AKAP12: variants seen among roughly 807,000 people sequenced by gnomAD.
AKAP12 encodes A-kinase anchoring protein 12.
A neutral mutation model predicts 79.9 loss-of-function variants in AKAP12; 32 were observed. The observed-to-expected ratio is 0.40, with a 90% CI of 0.30 to 0.54. The LOEUF (loss-of-function observed/expected upper bound fraction) is 0.54, where lower values mean the gene tolerates loss of function less well. Among genes scored for constraint, AKAP12 ranks in the 20% least tolerant of loss-of-function variants. AKAP12 has a pLI of 0.48. For synonymous variants in AKAP12, 808 were observed against 857.0 expected, an observed-to-expected ratio of 0.94 and a Z score of 1.00; for missense variants, 2,074 against 2,177.0, an observed-to-expected ratio of 0.95 and a Z score of 0.94.
intron 2 of AKAP12, among the ~76,000 whole-genome samples, chr6:151,248,863 T>C (rs983548064): frequency 6.6e-6 from 1 of 151,996 alleles, no homozygotes; most frequent in African/African-American, 2.4e-5. Context: ...GGTGTGTACC[T>C]GTAATCCCAG....
Position 151,268,961 on chromosome 6 carries a change from T to G in AKAP12, c.162+28237T>G, listed in dbSNP as rs1042272298. The stretch of plus-strand genomic sequence containing the variant: ...GCTCGGCCTGTTTTTTTTTTTTTTT[T>G]TTTTTTTTTTTTTTTTTTAATCAAC... On this transcript the variant is annotated intron_variant, in intron 2 of 4. Transcript: ENST00000402676. Among the ~76,000 whole-genome samples, 774 of 126,976 alleles carry G rather than the reference T, an allele frequency of 6.1e-3. 8 individuals carry two copies. Among genetic ancestry groups the G allele is most frequent in the African/African-American group, 0.022 (702 of 31,824 alleles). The allele number at this position is 126,976 out of a possible 152,430, so 83.3% of individuals were successfully genotyped here.
intron 3 of AKAP12, among the ~76,000 whole-genome samples, chr6:151,319,170 G>A (rs1191276644): frequency 1.3e-5 from 2 of 151,850 alleles, no homozygotes; most frequent in African/African-American, 4.8e-5. Flanking sequence ...TAGTGTTTCT[G>A]TTGTATCATA....
At chr6:151,266,188 A>G (rs35807918) in intron 2 of AKAP12, among the ~76,000 whole-genome samples, 1,797 of 152,346 alleles carry the variant, frequency 0.012, 19 homozygotes, top group Middle Eastern at 0.027. Flanking sequence ...GAAGACGGAC[A>G]TCTCAAAGTG....
At chr6:151,316,264 C>T (rs1311917949) in intron 3 of AKAP12, among the ~76,000 whole-genome samples, 1 of 152,186 alleles carries the variant, frequency 6.6e-6, no homozygotes, top group African/African-American at 2.4e-5. Flanking sequence ...TTAACCAGTG[C>T]ATGCATTAGT....
intron 2 of AKAP12, among the ~76,000 whole-genome samples, chr6:151,276,509 T>C (rs1024596285): frequency 3.3e-5 from 5 of 152,238 alleles, no homozygotes; most frequent in Non-Finnish European, 7.3e-5. Context: ...TGAGAAAGGA[T>C]GGCTAATTAG....
intron 3 of AKAP12, chr6:151,323,997 A>T (rs1318413928): frequency 1.0e-6 from 1 of 985,240 alleles, no homozygotes; most frequent in African/African-American, 1.7e-5. Context: ...TTTATCCATG[A>T]TTTGCACAGC....
intron 3 of AKAP12, among the ~76,000 whole-genome samples, chr6:151,339,388 C>T (rs765892598): frequency 5.9e-5 from 9 of 152,220 alleles, no homozygotes; most frequent in East Asian, 1.9e-4. Context: ...ACCTATATGA[C>T]GTTGGTCAAG....
intron 3 of AKAP12, among the ~76,000 whole-genome samples, chr6:151,309,964 G>A (rs770717778): frequency 7.4e-5 from 10 of 134,790 alleles, no homozygotes; most frequent in Non-Finnish European, 1.3e-4. Context: ...TGCTTCTACC[G>A]AAAAGATGAA....
At chr6:151,342,694 ACTC>A (rs1318021544) in intron 3 of AKAP12, among the ~76,000 whole-genome samples, 1 of 152,190 alleles carries the variant, frequency 6.6e-6, no homozygotes, top group Non-Finnish European at 1.5e-5. Flanking sequence ...TATGTGTTCA[ACTC>A]ATAACTCACT....
chr6:151,354,668 A>G lies in AKAP12; in HGVS notation c.*12+916A>G, dbSNP rs186426148. ...ATTACAGGTGTGAGCCACCACGCCC[A>G]GCCCTATCTTTGTTTTGTTTTTTGA... On this transcript the variant is annotated intron_variant, in intron 4 of 4. Transcript: ENST00000402676. Among the ~76,000 whole-genome samples, 1,084 of 151,900 alleles carry G rather than the reference A, an allele frequency of 7.1e-3. 9 individuals are homozygous for G. The highest frequency in any genetic ancestry group is 0.024 in the African/African-American group (1,012 of 41,426).
intron 2 of AKAP12, among the ~76,000 whole-genome samples, chr6:151,241,251 C>T (rs1474381104): frequency 2.0e-5 from 3 of 152,252 alleles, no homozygotes; most frequent in Non-Finnish European, 4.4e-5. Context: ...GGGTTTGGTA[C>T]CCAGTCCTCC....
At chr6:151,270,681 G>A (rs1423210245) in intron 2 of AKAP12, among the ~76,000 whole-genome samples, 2 of 152,070 alleles carry the variant, frequency 1.3e-5, no homozygotes, top group African/African-American at 4.8e-5. Flanking sequence ...CTATATCCTT[G>A]GTAACACTTG....
intron 3 of AKAP12, among the ~76,000 whole-genome samples, chr6:151,321,556 A>G (rs1295365925): frequency 1.3e-5 from 2 of 151,970 alleles, no homozygotes; most frequent in African/African-American, 4.8e-5. Context: ...TTTCCATTAA[A>G]CAAGCTCAAT....
intron 2 of AKAP12, among the ~76,000 whole-genome samples, chr6:151,274,908 G>T (rs1279937950): frequency 6.6e-6 from 1 of 152,106 alleles, no homozygotes. Flanking sequence ...TTGGAGACCA[G>T]CCTCGGCAAC....
At chr6:151,265,231 A>G (rs1475248652) in intron 2 of AKAP12, among the ~76,000 whole-genome samples, 1 of 149,248 alleles carries the variant, frequency 6.7e-6, no homozygotes, top group Non-Finnish European at 1.5e-5. Flanking sequence ...TTTTTTTTGC[A>G]ATAGCTTTAC....
chr6:151,338,228 T>C lies in AKAP12; in HGVS notation c.320-10483T>C, dbSNP rs150218273. On this transcript the variant is annotated intron_variant, in intron 3 of 4. Transcript: ENST00000402676. ...ATAATCTGCTTCTAATTTTGTCAGC[T>C]AATCTAATTATGTCCATTTTAAAGC... Among the ~76,000 whole-genome samples the C allele has an allele frequency of 4.3e-4, 65 of 152,338 alleles. 2 individuals carry two copies. The highest frequency in any genetic ancestry group is 3.4e-3 in the Middle Eastern group (1 of 294).
intron 2 of AKAP12, among the ~76,000 whole-genome samples, chr6:151,275,001 G>A (rs1428944962): frequency 6.6e-6 from 1 of 152,194 alleles, no homozygotes; most frequent in African/African-American, 2.4e-5. Context: ...CTACTTGGGA[G>A]GCTGAGGCGG....
In AKAP12 at chr6:151,311,063, G is replaced by A. The variant is rs1777089111; in HGVS notation, c.319+5160G>A. Reference sequence around the variant, plus strand: ...GTTCGACGTAGCCTCAAACTTCTGGGCACATGTGATCCTCCTGGCTCAGCC... The same window carrying A: ...GTTCGACGTAGCCTCAAACTTCTGGACACATGTGATCCTCCTGGCTCAGCC... On this transcript the variant is annotated intron_variant, in intron 3 of 4. Coordinates refer to ENST00000402676, the MANE Select transcript of AKAP12 (RefSeq NM_005100.4). 2.0e-5 allele frequency among the ~76,000 whole-genome samples: 3 copies of A among 152,248 alleles called. No individual in the cohort carries two copies. In the South Asian group the frequency reaches 6.2e-4, roughly 32 times the overall value.
chr6:151,278,498 G>C (rs931815333), intron 2 of AKAP12, among the ~76,000 whole-genome samples: 1 of 152,200 alleles, frequency 6.6e-6, no homozygotes, highest in Non-Finnish European at 1.5e-5. Context: ...TTACAGGCTT[G>C]AGCCACCGCA....
Sources: gnomAD v4.1 joint callset for allele counts (sites outside exome capture counted in the v4.1 genomes callset) on GRCh38, gnomAD v4.1.1 for gene constraint, MANE v1.5 for transcripts, NCBI Gene and HGNC (gene_info 2026-07-23, HGNC 2026-07-21) for gene names.